Variants in DAB1 observed in about 807,000 individuals in gnomAD.
The protein encoded by DAB1 is DAB adaptor protein 1, also known as disabled homolog 1.
In DAB1, 15 loss-of-function variants were observed where a neutral mutation model predicts 64.6. That is an observed-to-expected ratio of 0.23 (90% confidence interval 0.16 to 0.36). DAB1 has a LOEUF of 0.36. Among genes scored for constraint, DAB1 ranks in the 10% least tolerant of loss-of-function variants. The probability of loss-of-function intolerance (pLI) is 1.00; values close to 1 mark genes in which losing one functional copy is unlikely to be tolerated. For missense variants in DAB1, 596 were observed against 706.7 expected, an observed-to-expected ratio of 0.84 and a Z score of 1.78; for synonymous variants, 235 against 251.9, an observed-to-expected ratio of 0.93 and a Z score of 0.64.
At position 58,219,480 on chromosome 1, in the gene DAB1, C is replaced by T. The variant is rs573686615; in HGVS notation, n.310-68892G>A. Among the ~76,000 whole-genome samples, 7 of 152,306 alleles carry T rather than the reference C, an allele frequency of 4.6e-5. No individual in the cohort carries two copies. In the South Asian group the frequency reaches 1.0e-3, roughly 23 times the overall value. On this transcript the variant is annotated intron_variant and non_coding_transcript_variant, in intron 4 of 20. Coordinates refer to the DAB1 transcript ENST00000485760. ...CCAGACTGGGCCTACCCAATCTCCA[C>T]TCCCACCAACCTCTGGGCCCCTTCT...
intron 7 of DAB1, among the ~76,000 whole-genome samples, chr1:57,561,784 A>G (rs1014806240): frequency 3.3e-5 from 5 of 152,184 alleles, no homozygotes; most frequent in Admixed American, 2.0e-4. Context: ...GCCACTGCTG[A>G]GTGCCAAATT....
At chr1:57,388,459 T>A (rs1421691177) in intron 1 of DAB1, among the ~76,000 whole-genome samples, 1 of 152,136 alleles carries the variant, frequency 6.6e-6, no homozygotes, top group Non-Finnish European at 1.5e-5. Flanking sequence ...CAAAGTGATG[T>A]GATCTCATTA....
At chr1:57,077,729 C>T (rs1652120184) in intron 4 of DAB1, among the ~76,000 whole-genome samples, 2 of 151,896 alleles carry the variant, frequency 1.3e-5, no homozygotes, top group Admixed American at 1.3e-4. Flanking sequence ...TCAATACAGC[C>T]AATTAAATAC....
chr1:58,027,760 C>A (rs543065906), intron 5 of DAB1, among the ~76,000 whole-genome samples: 7 of 152,034 alleles, frequency 4.6e-5, no homozygotes, highest in African/African-American at 1.7e-4. Context: ...AAAAAGATAC[C>A]AGATGGCATG....
At chr1:58,504,696 G>T (rs1159100112) in intron 3 of DAB1, among the ~76,000 whole-genome samples, 3 of 152,168 alleles carry the variant, frequency 2.0e-5, no homozygotes, top group Non-Finnish European at 4.4e-5. Flanking sequence ...TCTACCTAAT[G>T]AATGAATAAA....
At chr1:57,784,497 C>T (rs1485491193) in intron 6 of DAB1, among the ~76,000 whole-genome samples, 3 of 152,138 alleles carry the variant, frequency 2.0e-5, no homozygotes, top group Non-Finnish European at 4.4e-5. Context: ...AAAAGTGCTA[C>T]TCCAGTGAAC....
At chr1:58,156,122 A>T (rs927327336) in intron 4 of DAB1, among the ~76,000 whole-genome samples, 1 of 152,258 alleles carries the variant, frequency 6.6e-6, no homozygotes, top group Non-Finnish European at 1.5e-5. Context: ...AGATTTTTGC[A>T]TAATACTAAC....
intron 3 of DAB1, 60 bp downstream of exon 3, chr1:57,145,230 A>C: frequency 1.3e-6 from 2 of 1,516,120 alleles, no homozygotes; most frequent in Non-Finnish European, 1.8e-6. Context: ...GATGGTAATC[A>C]CTTCTTTTCC....
chr1:57,178,843 T>C (rs891934426), intron 2 of DAB1, among the ~76,000 whole-genome samples: 2 of 148,710 alleles, frequency 1.3e-5, no homozygotes, highest in African/African-American at 4.9e-5. Context: ...AGATAGTGTG[T>C]GGTAGCTATT....
chr1:57,357,839 C>A (rs189570199), intron 1 of DAB1, among the ~76,000 whole-genome samples: 59 of 152,034 alleles, frequency 3.9e-4, no homozygotes, highest in African/African-American at 1.4e-3. Flanking sequence ...GAGAGTACTG[C>A]ATGGGGGTAA....
chr1:57,547,524 C>G (rs1399867410), intron 7 of DAB1, among the ~76,000 whole-genome samples: 7 of 152,126 alleles, frequency 4.6e-5, no homozygotes, highest in African/African-American at 1.7e-4. Context: ...GAACTTTAAG[C>G]AAAGTTGACA....
At chr1:57,011,039 A>T in intron 13 of DAB1, 106 bp downstream of exon 13, 1 of 1,436,486 alleles carries the variant, frequency 7.0e-7, no homozygotes, top group Non-Finnish European at 9.5e-7. Context: ...TATGAGATTG[A>T]GCCAGCATTC....
intron 2 of DAB1, among the ~76,000 whole-genome samples, chr1:57,206,806 C>A (rs1033513946): frequency 3.3e-5 from 5 of 152,076 alleles, no homozygotes; most frequent in African/African-American, 1.2e-4. Context: ...TCAGAAAGAC[C>A]TGGAATTAAA....
At chr1:57,638,627 C>T (rs1041334236) in intron 7 of DAB1, among the ~76,000 whole-genome samples, 1 of 152,160 alleles carries the variant, frequency 6.6e-6, no homozygotes, top group African/African-American at 2.4e-5. Flanking sequence ...CCATGGAGAT[C>T]AAAGACACAG....
intron 2 of DAB1, among the ~76,000 whole-genome samples, chr1:57,163,077 C>T (rs1422152291): frequency 6.6e-6 from 1 of 152,176 alleles, no homozygotes; most frequent in Non-Finnish European, 1.5e-5. Context: ...ACTGAATGCC[C>T]ACTACGTGCC....
chr1:58,199,938 T>G (rs1657906806), intron 4 of DAB1, among the ~76,000 whole-genome samples: 1 of 152,218 alleles, frequency 6.6e-6, no homozygotes, highest in African/African-American at 2.4e-5. Context: ...GAAGTGTTTT[T>G]CTTTCAGCCA....
At chr1:58,287,115 C>A (rs1485673907) in intron 4 of DAB1, among the ~76,000 whole-genome samples, 3 of 152,174 alleles carry the variant, frequency 2.0e-5, no homozygotes, top group East Asian at 3.9e-4. Context: ...GGGAGCCAAA[C>A]AATGTAAATA....
At chr1:58,115,733 C>T (rs1260624817) in intron 5 of DAB1, among the ~76,000 whole-genome samples, 2 of 96,872 alleles carry the variant, frequency 2.1e-5, no homozygotes, top group Middle Eastern at 4.2e-3. Context: ...TAAACTATCG[C>T]AAGAACAAAA....
At chr1:57,691,301 C>G (rs1311029292) in intron 6 of DAB1, among the ~76,000 whole-genome samples, 1 of 152,020 alleles carries the variant, frequency 6.6e-6, no homozygotes, top group African/African-American at 2.4e-5. Context: ...TCTGTGAAAA[C>G]TCACCAATCA....
Sources: gnomAD v4.1 joint callset for allele counts (sites outside exome capture counted in the v4.1 genomes callset) on GRCh38, gnomAD v4.1.1 for gene constraint, MANE v1.5 for transcripts, NCBI Gene and HGNC (gene_info 2026-07-23, HGNC 2026-07-21) for gene names.